The following MPP2 variants were observed in gnomAD, a reference collection of about 807,000 sequenced individuals.
MPP2 encodes MAGUK p55 scaffold protein 2.
Under a neutral mutation model 58.5 loss-of-function variants are expected in MPP2, and 42 were observed. The observed-to-expected ratio is 0.72, with a 90% CI of 0.56 to 0.93. The LOEUF (loss-of-function observed/expected upper bound fraction) is 0.93, where lower values mean the gene tolerates loss of function less well. Among genes scored for constraint, MPP2 ranks in the 40% least tolerant of loss-of-function variants. MPP2 has a pLI of 0.00. For synonymous variants in MPP2, 300 were observed against 307.8 expected, an observed-to-expected ratio of 0.97 and a Z score of 0.26; for missense variants, 632 against 760.4, an observed-to-expected ratio of 0.83 and a Z score of 1.99.
intron 2 of MPP2, among the ~76,000 whole-genome samples, chr17:43,903,371 CT>C (rs1417385834): frequency 6.6e-6 from 1 of 152,124 alleles, no homozygotes; most frequent in African/African-American, 2.4e-5. Context: ...AAGGAGGTGA[CT>C]GTTTCAAGGA....
At chr17:43,900,475 C>T in intron 2 of MPP2, 1 of 1,549,492 alleles carries the variant, frequency 6.5e-7, no homozygotes, top group Non-Finnish European at 8.7e-7. Flanking sequence ...CCCTACCTTC[C>T]CTCTGGAGCT....
intron 2 of MPP2, among the ~76,000 whole-genome samples, chr17:43,903,133 G>A (rs1567905863): frequency 6.6e-6 from 1 of 152,026 alleles, no homozygotes; most frequent in Non-Finnish European, 1.5e-5. Context: ...AAAATTAGCT[G>A]GGCATGATAG....
intron 3 of MPP2, among the ~76,000 whole-genome samples, chr17:43,886,666 C>T (rs2047382728): frequency 6.6e-6 from 1 of 152,140 alleles, no homozygotes; most frequent in South Asian, 2.1e-4. Flanking sequence ...CTCCATGGGA[C>T]TTTGGCCAGT....
chr17:43,896,923 C>G (rs576782159), intron 3 of MPP2, among the ~76,000 whole-genome samples: 44 of 152,102 alleles, frequency 2.9e-4, no homozygotes, highest in Admixed American at 4.6e-4. Flanking sequence ...CCACCTCCCC[C>G]CCTCAGGAGA....
At chr17:43,887,581 T>G (rs2047424937) in intron 3 of MPP2, among the ~76,000 whole-genome samples, 1 of 151,974 alleles carries the variant, frequency 6.6e-6, no homozygotes, top group South Asian at 2.1e-4. Context: ...TTCTGATATA[T>G]GATGTGAGGA....
chr17:43,880,575 C>A lies in MPP2; in HGVS notation c.1150+116G>T. 2 of 1,264,186 alleles carry A rather than the reference C, an allele frequency of 1.6e-6. No individual in the cohort carries two copies. Among genetic ancestry groups the A allele is most frequent in the Non-Finnish European group, 2.1e-6 (2 of 935,330 alleles). The allele number at this position is 1,264,186 out of a possible 1,614,324, so 78.3% of individuals were successfully genotyped here. On this transcript the variant is annotated intron_variant, in intron 10 of 12. Transcript: ENST00000269095. The surrounding 1 kb of genome is among the most constrained non-coding windows in gnomAD (Gnocchi z 5.2). ...AGGGCGTGCACCCCAACCCGTGTAC[C>A]CAAAGGTACCACCTGGCCTGGTGCC... is the stretch of plus-strand genomic sequence containing the variant.
rs948712629 is a variant in MPP2, at chr17:43,876,791, C to T, written c.*1016G>A. The T allele has an allele frequency of 6.6e-6, 1 of 152,362 alleles. No homozygotes were observed. The highest frequency in any genetic ancestry group is 2.4e-5 in the African/African-American group (1 of 41,478). The allele number at this position is 152,362 out of a possible 1,614,324, so 9.4% of individuals were successfully genotyped here. A position where few individuals can be genotyped will look rare whatever the true frequency, so the allele number is the denominator to read the frequency against. On this transcript the variant is annotated 3_prime_UTR_variant, in exon 13 of 13. Coordinates refer to ENST00000269095, the MANE Select transcript of MPP2 (RefSeq NM_005374.5). ...TCTGGAGTTGTGTGTGAGGAACCTCCTGGAGGGCAACTGTCCTTCAAGCCC... is the reference window on the plus strand; with the variant it reads ...TCTGGAGTTGTGTGTGAGGAACCTCTTGGAGGGCAACTGTCCTTCAAGCCC...
In MPP2 at chr17:43,879,531, T is replaced by G; in HGVS notation, c.1354-128A>C. ...TGGATGAGAAAAGGGTGCCCGGGGG[T>G]CTGGGACATGAGTCCTGGGACAAAT... On this transcript the variant is annotated intron_variant, in intron 11 of 12. Coordinates refer to ENST00000269095, the MANE Select transcript of MPP2 (RefSeq NM_005374.5). This position sits in a 1 kb window ranked among gnomAD's most constrained non-coding sequence, Gnocchi z 4.1. 8.2e-7 allele frequency: 1 copy of G among 1,223,190 alleles called. No homozygotes were observed. The highest frequency in any genetic ancestry group is 1.2e-6 in the Non-Finnish European group (1 of 858,658). The allele number at this position is 1,223,190 out of a possible 1,614,324, so 75.8% of individuals were successfully genotyped here.
Position 43,881,232 on chromosome 17 carries a change from G to A in MPP2, c.919+12C>T, listed in dbSNP as rs985340470. 1 of 1,613,786 alleles carries A rather than the reference G, an allele frequency of 6.2e-7. No homozygotes were observed. Among genetic ancestry groups the A allele is most frequent in the African/African-American group, 1.3e-5 (1 of 75,002 alleles). ...CCCAGATTGGAGGTGTGGGGTAGGG[G>A]GGACCTCCTACCTGAGTTTGGTGTC... On this transcript the variant is annotated intron_variant, in intron 8 of 12. Coordinates refer to ENST00000269095, the MANE Select transcript of MPP2 (RefSeq NM_005374.5).
Position 43,883,054 on chromosome 17 carries a change from TG to T in MPP2, c.304-3del, listed in dbSNP as rs769731446. The T allele has an allele frequency of 5.0e-6, 8 of 1,609,266 alleles. No individual in the cohort carries two copies. The highest frequency in any genetic ancestry group is 2.2e-5 in the East Asian group (1 of 44,770). On this transcript the variant is annotated splice_region_variant and splice_polypyrimidine_tract_variant and intron_variant, in intron 4 of 12. Coordinates refer to ENST00000269095, the MANE Select transcript of MPP2 (RefSeq NM_005374.5). ...AGAGTCGTGCGTCTCCAGGAGGGAC[TG>T]GGGGGTGGTGGGAAGAGAAGGGACA...
intron 3 of MPP2, among the ~76,000 whole-genome samples, chr17:43,887,417 T>C (rs2047415819): frequency 6.6e-6 from 1 of 152,072 alleles, no homozygotes; most frequent in Non-Finnish European, 1.5e-5. Flanking sequence ...GTGAATTTAA[T>C]AATCTTTCAT....
intron 6 of MPP2, 29 bp downstream of exon 6, chr17:43,882,255 T>A: frequency 1.3e-6 from 2 of 1,585,828 alleles, no homozygotes; most frequent in Non-Finnish European, 1.7e-6. Context: ...CAGCCATCCC[T>A]TGGGCCTTGT....
chr17:43,881,746 G>A (rs539729529), intron 6 of MPP2, among the ~76,000 whole-genome samples, 157 bp from the exon 7 acceptor site: 15 of 152,228 alleles, frequency 9.9e-5, no homozygotes, highest in Middle Eastern at 6.8e-3. Flanking sequence ...CTCCTCCCTG[G>A]TGCCAACCTC....
In MPP2 at chr17:43,880,467, G is replaced by A. The variant is rs1475592769; in HGVS notation, c.1150+224C>T. On this transcript the variant is annotated intron_variant, in intron 10 of 12. Coordinates refer to ENST00000269095, the MANE Select transcript of MPP2 (RefSeq NM_005374.5). The surrounding 1 kb of genome is among the most constrained non-coding windows in gnomAD (Gnocchi z 5.2). ...GTGAAACAAGAGAAGGAAAGTGGAC[G>A]CCAGCCCAGCCCGCTAGGCCACCTG... Among the ~76,000 whole-genome samples the A allele has an allele frequency of 6.6e-6, 1 of 152,162 alleles. No homozygotes were observed. Among genetic ancestry groups the A allele is most frequent in the Middle Eastern group, 3.2e-3 (1 of 316 alleles).
rs2047039833 is a variant in MPP2, at chr17:43,880,054, AC to A, written c.1151-71del. ...TACAGTGCCTCAGACACATATATGC[AC>A]CCCTACCCAGGCCCCCGTTTCCCAG... On this transcript the variant is annotated intron_variant, in intron 10 of 12. Transcript: ENST00000269095. This position sits in a 1 kb window ranked among gnomAD's most constrained non-coding sequence, Gnocchi z 5.2. 13 of 1,455,218 alleles carry A rather than the reference AC, an allele frequency of 8.9e-6. No homozygotes were observed. The allele number at this position is 1,455,218 out of a possible 1,614,324, so 90.1% of individuals were successfully genotyped here.
chr17:43,895,691 G>A (rs1054779987), intron 3 of MPP2, among the ~76,000 whole-genome samples: 17 of 152,154 alleles, frequency 1.1e-4, no homozygotes, highest in Admixed American at 9.8e-4. Context: ...TATTGAAGAC[G>A]AGCTCTCACT....
rs777559558 is a variant in MPP2 at position 43,879,988 on chromosome 17, G to A, written c.1151-4C>T. The A allele has an allele frequency of 1.2e-6, 2 of 1,613,852 alleles. No homozygotes were observed. The highest frequency in any genetic ancestry group is 2.7e-5 in the African/African-American group (2 of 74,884). Reference sequence around the variant, plus strand: ...TCTTTCGGCCGCCGGGAGGTGTCTAGGGGGATGGGGGTAGGTTGGACCAAA... The same window carrying A: ...TCTTTCGGCCGCCGGGAGGTGTCTAAGGGGATGGGGGTAGGTTGGACCAAA... On this transcript the variant is annotated splice_polypyrimidine_tract_variant and splice_region_variant and intron_variant, in intron 10 of 12. Transcript: ENST00000269095. This position sits in a 1 kb window ranked among gnomAD's most constrained non-coding sequence, Gnocchi z 4.1.
At chr17:43,881,907 C>G (rs1247157291) in intron 6 of MPP2, among the ~76,000 whole-genome samples, 2 of 152,138 alleles carry the variant, frequency 1.3e-5, no homozygotes, top group Non-Finnish European at 2.9e-5. Flanking sequence ...GCGAGAGACC[C>G]AATAGGATAG....
At chr17:43,881,031 G>T in intron 9 of MPP2, 59 bp downstream of exon 9, 1 of 1,589,066 alleles carries the variant, frequency 6.3e-7, no homozygotes. Context: ...GATGGGTGGG[G>T]ACAGGGAAAG....
Sources: allele counts gnomAD v4.1 joint callset (sites outside exome capture counted in the v4.1 genomes callset), GRCh38; gene constraint gnomAD v4.1.1; non-coding constraint Gnocchi (gnomAD v3.1); transcripts MANE v1.5; gene names NCBI Gene and HGNC (gene_info 2026-07-23, HGNC 2026-07-21).